AGBL1: variants seen among roughly 807,000 people sequenced by gnomAD.
The protein encoded by AGBL1 is AGBL carboxypeptidase 1.
Under a neutral mutation model 118.9 loss-of-function variants are expected in AGBL1, and 130 were observed. The ratio of observed to expected loss-of-function variants is 1.09; its 90% CI spans 0.95 to 1.26. The LOEUF is 1.26. Ranked by LOEUF, AGBL1 falls within the 50% of genes most tolerant of loss-of-function variation. The probability of loss-of-function intolerance (pLI) is 0.00; values close to 1 mark genes in which losing one functional copy is unlikely to be tolerated. For synonymous variants in AGBL1, 555 were observed against 478.9 expected (o/e 1.16, Z -2.08); for missense variants, 1,584 against 1,298.1 (o/e 1.22, Z -3.38).
At chr15:86,841,105 G>A (rs564394779) in intron 22 of AGBL1, among the ~76,000 whole-genome samples, 51 of 152,356 alleles carry the variant, frequency 3.3e-4, no homozygotes, top group Admixed American at 1.1e-3. Flanking sequence ...GAATAGAGCA[G>A]CAAGGATGAA....
chr15:86,204,735 G>A (rs888590509), intron 5 of AGBL1, among the ~76,000 whole-genome samples: 5 of 151,960 alleles, frequency 3.3e-5, no homozygotes, highest in Admixed American at 6.6e-5. Flanking sequence ...GACTACAGGC[G>A]TGCACCACCA....
At chr15:86,923,669 C>G (rs1463873234) in intron 23 of AGBL1, among the ~76,000 whole-genome samples, 1 of 152,166 alleles carries the variant, frequency 6.6e-6, no homozygotes. Context: ...GTACACTATT[C>G]CCTGAAAGCA....
chr15:86,189,674 C>A (rs1226846749), intron 5 of AGBL1, among the ~76,000 whole-genome samples: 1 of 152,140 alleles, frequency 6.6e-6, no homozygotes, highest in East Asian at 1.9e-4. Context: ...ATTCTGGCTC[C>A]CCTTCACCTC....
At chr15:86,840,036 G>C (rs746748325) in intron 22 of AGBL1, among the ~76,000 whole-genome samples, 2 of 152,106 alleles carry the variant, frequency 1.3e-5, no homozygotes, top group East Asian at 1.9e-4. Context: ...CAGTTACATG[G>C]AGCATCATAT....
intron 21 of AGBL1, among the ~76,000 whole-genome samples, chr15:86,570,848 G>A (rs56345117): frequency 3.3e-5 from 5 of 152,214 alleles, no homozygotes; most frequent in African/African-American, 9.6e-5. Context: ...GGCTTGTTCC[G>A]CTCACTCGAC....
intron 23 of AGBL1, among the ~76,000 whole-genome samples, chr15:86,958,206 TAAAAA>T (rs545565434): frequency 2.4e-5 from 3 of 125,196 alleles, no homozygotes; most frequent in African/African-American, 8.9e-5. Flanking sequence ...TCTTGTTTCT[TAAAAA>T]AAAAAAAAAA....
intron 13 of AGBL1, among the ~76,000 whole-genome samples, chr15:86,268,359 T>C (rs1438850470): frequency 6.6e-6 from 1 of 152,194 alleles, no homozygotes; most frequent in Non-Finnish European, 1.5e-5. Flanking sequence ...TTTCCACTTC[T>C]TCCTGTGGCT....
chr15:86,208,367 A>G (rs1429197671), intron 5 of AGBL1, among the ~76,000 whole-genome samples: 1 of 152,040 alleles, frequency 6.6e-6, no homozygotes, highest in African/African-American at 2.4e-5. Flanking sequence ...CCCTTTTTCT[A>G]TTGATTGGAA....
intron 17 of AGBL1, among the ~76,000 whole-genome samples, chr15:86,394,260 T>C (rs2081330860): frequency 6.6e-6 from 1 of 152,130 alleles, no homozygotes; most frequent in South Asian, 2.1e-4. Context: ...AAACATGTCA[T>C]CTATAATAAT....
At chr15:86,454,518 G>T (rs1182538007) in intron 18 of AGBL1, among the ~76,000 whole-genome samples, 3 of 152,086 alleles carry the variant, frequency 2.0e-5, no homozygotes, top group Non-Finnish European at 4.4e-5. Flanking sequence ...ACAGATGGAT[G>T]AATAAGCAAA....
intron 23 of AGBL1, among the ~76,000 whole-genome samples, chr15:86,963,661 G>T (rs892243099): frequency 6.6e-6 from 1 of 151,860 alleles, no homozygotes; most frequent in Non-Finnish European, 1.5e-5. Flanking sequence ...CACATCACTC[G>T]GAGTTAGTGT....
At chr15:86,237,870 C>T (rs1266724098) in intron 6 of AGBL1, among the ~76,000 whole-genome samples, 1 of 152,194 alleles carries the variant, frequency 6.6e-6, no homozygotes, top group Non-Finnish European at 1.5e-5. Context: ...TCCCTGCTCA[C>T]CTTTCCCGTC....
chr15:86,862,843 A>G (rs987560147), intron 22 of AGBL1, among the ~76,000 whole-genome samples: 1 of 152,264 alleles, frequency 6.6e-6, no homozygotes, highest in Non-Finnish European at 1.5e-5. Flanking sequence ...CATCTATGAA[A>G]TTATCAGAAG....
At chr15:86,222,428 C>A (rs968316399) in intron 5 of AGBL1, among the ~76,000 whole-genome samples, 7 of 152,126 alleles carry the variant, frequency 4.6e-5, no homozygotes, top group Admixed American at 1.3e-4. Context: ...ACTGACTCTT[C>A]ACTCTCCTTC....
intron 18 of AGBL1, among the ~76,000 whole-genome samples, chr15:86,463,915 C>A (rs1259889924): frequency 6.6e-6 from 1 of 152,094 alleles, no homozygotes; most frequent in East Asian, 1.9e-4. Flanking sequence ...ATTGTCTTGG[C>A]TATACAGGCT....
chr15:86,769,124 A>G (rs1258250660), intron 22 of AGBL1, among the ~76,000 whole-genome samples: 1 of 149,988 alleles, frequency 6.7e-6, no homozygotes, highest in Non-Finnish European at 1.5e-5. Flanking sequence ...GGGATACATT[A>G]CAGGAGAGGA....
At chr15:86,415,595 C>T (rs1381504121) in intron 18 of AGBL1, among the ~76,000 whole-genome samples, 1 of 152,058 alleles carries the variant, frequency 6.6e-6, no homozygotes, top group East Asian at 1.9e-4. Context: ...AGCATGAAGC[C>T]TTATTAAGCT....
intron 17 of AGBL1, among the ~76,000 whole-genome samples, chr15:86,394,126 G>GT (rs1270160163): frequency 6.6e-6 from 1 of 152,084 alleles, no homozygotes; most frequent in Non-Finnish European, 1.5e-5. Flanking sequence ...CCATTGCCCA[G>GT]TTTTTTCAGA....
intron 24 of AGBL1, among the ~76,000 whole-genome samples, chr15:87,019,778 T>G (rs1365229309): frequency 6.6e-6 from 1 of 150,826 alleles, no homozygotes; most frequent in Non-Finnish European, 1.5e-5. Flanking sequence ...AGATTAGAGG[T>G]GAACTGAAGG....
Sources: gnomAD v4.1 joint callset for allele counts (sites outside exome capture counted in the v4.1 genomes callset) on GRCh38, gnomAD v4.1.1 for gene constraint, MANE v1.5 for transcripts, NCBI Gene and HGNC (gene_info 2026-07-23, HGNC 2026-07-21) for gene names.